Variants in RANBP17 observed in about 807,000 individuals in gnomAD.
RANBP17 encodes ran-binding protein 17.
In RANBP17, 158 loss-of-function variants were observed where a neutral mutation model predicts 141.2. The ratio of observed to expected loss-of-function variants is 1.12; its 90% CI spans 0.98 to 1.28. RANBP17 has a LOEUF of 1.28. Among genes scored for constraint, RANBP17 ranks in the 50% most tolerant of loss-of-function variants. RANBP17 has a pLI of 0.00. For synonymous variants in RANBP17, 430 were observed against 450.0 expected (o/e 0.96, Z 0.56); for missense variants, 1,438 against 1,290.7 (o/e 1.11, Z -1.75).
chr5:171,121,354 G>A (rs1756016872), intron 14 of RANBP17, among the ~76,000 whole-genome samples: 1 of 152,246 alleles, frequency 6.6e-6, no homozygotes, highest in Admixed American at 6.5e-5. Context: ...GAACGCAAGT[G>A]CGAGGCTGCT....
intron 12 of RANBP17, among the ~76,000 whole-genome samples, chr5:170,939,341 G>A (rs1245737787): frequency 6.6e-6 from 1 of 151,394 alleles, no homozygotes; most frequent in Non-Finnish European, 1.5e-5. Flanking sequence ...ATGGAAATTG[G>A]TAAACTCAAA....
chr5:170,908,261 A>G (rs973388377), intron 5 of RANBP17, among the ~76,000 whole-genome samples: 1 of 152,004 alleles, frequency 6.6e-6, no homozygotes, highest in African/African-American at 2.4e-5. Flanking sequence ...AAGACGTGGA[A>G]TCAGCCTTGG....
At chr5:171,266,140 A>G (rs1442754414) in intron 25 of RANBP17, among the ~76,000 whole-genome samples, 4 of 152,138 alleles carry the variant, frequency 2.6e-5, no homozygotes, top group Non-Finnish European at 5.9e-5. Context: ...CCGGAACTGG[A>G]AACAGTCAGC....
intron 14 of RANBP17, among the ~76,000 whole-genome samples, chr5:171,139,219 G>A (rs1757529689): frequency 1.3e-5 from 2 of 152,178 alleles, no homozygotes; most frequent in South Asian, 4.1e-4. Flanking sequence ...TTTTCGGGTA[G>A]CATTCCTTTG....
intron 13 of RANBP17, among the ~76,000 whole-genome samples, chr5:170,963,388 A>G (rs190295842): frequency 1.2e-4 from 18 of 152,374 alleles, no homozygotes; most frequent in African/African-American, 4.3e-4. Flanking sequence ...TGATTCAGGT[A>G]AGACCTTGCT....
chr5:170,985,626 AAC>A (rs922690840), intron 14 of RANBP17, among the ~76,000 whole-genome samples: 16 of 152,266 alleles, frequency 1.1e-4, no homozygotes, highest in African/African-American at 2.6e-4. Context: ...TATACAGGAA[AAC>A]ACACACGTGT....
At chr5:171,060,519 G>A (rs1423247615) in intron 14 of RANBP17, among the ~76,000 whole-genome samples, 1 of 152,134 alleles carries the variant, frequency 6.6e-6, no homozygotes, top group Non-Finnish European at 1.5e-5. Context: ...AAGCCCACTT[G>A]ATCATGGTGG....
chr5:171,195,941 G>A (rs923858583), intron 18 of RANBP17, among the ~76,000 whole-genome samples: 2 of 152,212 alleles, frequency 1.3e-5, no homozygotes, highest in African/African-American at 4.8e-5. Context: ...TCCATTGCCT[G>A]CGTAAGCACT....
chr5:170,941,274 A>G (rs1774306018), intron 12 of RANBP17, among the ~76,000 whole-genome samples: 2 of 152,140 alleles, frequency 1.3e-5, no homozygotes, highest in Non-Finnish European at 2.9e-5. Context: ...GAACTAAAAA[A>G]TAAAGATACA....
At chr5:171,222,311 A>G (rs934606494) in intron 22 of RANBP17, among the ~76,000 whole-genome samples, 9 of 152,218 alleles carry the variant, frequency 5.9e-5, no homozygotes, top group African/African-American at 1.9e-4. Context: ...GTCCTATTCA[A>G]TTAAAGTCCA....
rs72488636 is a variant in RANBP17 at position 171,055,880 on chromosome 5, C to CAAAAAA, written c.1710+87514_1710+87519dup. On this transcript the variant is annotated intron_variant, in intron 14 of 27. Coordinates refer to ENST00000523189, the MANE Select transcript of RANBP17 (RefSeq NM_022897.5). The stretch of plus-strand genomic sequence containing the variant: ...AGTTTCTCCAGTTGTGTCCTGTTGC[C>CAAAAAA]AAAAAAAAAAAAAAAACAAAAAAAA... Among the ~76,000 whole-genome samples, 72 of 25,096 alleles carry CAAAAAA rather than the reference C, an allele frequency of 2.9e-3. 7 individuals are homozygous for CAAAAAA. Among genetic ancestry groups the CAAAAAA allele is most frequent in the African/African-American group, 7.0e-3 (67 of 9,558 alleles). 16.5% of individuals were successfully genotyped at this position (25,096 alleles called of 152,430 possible).
chr5:171,277,352 G>T (rs902107355), intron 25 of RANBP17, among the ~76,000 whole-genome samples: 2 of 151,578 alleles, frequency 1.3e-5, no homozygotes, highest in Non-Finnish European at 2.9e-5. Flanking sequence ...ACCACAAAAA[G>T]GATGGCTACC....
chr5:170,890,667 T>C lies in RANBP17; in HGVS notation c.257-1720T>C, dbSNP rs2127380903. ...GCCAAAGTGGAAATGGAGTTTTTTC[T>C]CTTTTAAAAATTCTTCTTGTAGTTT... is the stretch of plus-strand genomic sequence containing the variant. On this transcript the variant is annotated intron_variant, in intron 3 of 27. Coordinates refer to ENST00000523189, the MANE Select transcript of RANBP17 (RefSeq NM_022897.5). Among the ~76,000 whole-genome samples the C allele has an allele frequency of 3.9e-5, 6 of 152,338 alleles. No individual in the cohort carries two copies. In the South Asian group the frequency reaches 1.2e-3, roughly 32 times the overall value.
At chr5:171,032,365 T>C (rs1405918642) in intron 14 of RANBP17, among the ~76,000 whole-genome samples, 2 of 152,178 alleles carry the variant, frequency 1.3e-5, no homozygotes, top group African/African-American at 2.4e-5. Context: ...CAACGCAGTT[T>C]AGTTTTCATT....
At chr5:171,244,393 A>G (rs919692218) in intron 24 of RANBP17, among the ~76,000 whole-genome samples, 1 of 151,968 alleles carries the variant, frequency 6.6e-6, no homozygotes, top group African/African-American at 2.4e-5. Flanking sequence ...AAAAAAAGGA[A>G]CTGTATTTGT....
intron 20 of RANBP17, among the ~76,000 whole-genome samples, chr5:171,209,329 G>T (rs1188075230): frequency 6.6e-6 from 1 of 152,134 alleles, no homozygotes; most frequent in African/African-American, 2.4e-5. Flanking sequence ...TCAGTCTAAG[G>T]AATTTAGACC....
chr5:170,881,502 G>A (rs189125076), intron 2 of RANBP17, among the ~76,000 whole-genome samples: 145 of 152,302 alleles, frequency 9.5e-4, no homozygotes, highest in African/African-American at 3.3e-3. Context: ...ATGTAGGGCT[G>A]TAGACCATGG....
intron 14 of RANBP17, among the ~76,000 whole-genome samples, chr5:171,076,444 A>G (rs1340941691): frequency 6.6e-6 from 1 of 152,230 alleles, no homozygotes; most frequent in East Asian, 1.9e-4. Flanking sequence ...CCATCCACTG[A>G]ATAGGCCTAG....
chr5:171,057,204 T>C (rs1783452086), intron 14 of RANBP17, among the ~76,000 whole-genome samples: 2 of 152,320 alleles, frequency 1.3e-5, no homozygotes, highest in East Asian at 3.9e-4. Flanking sequence ...AGTACCACTT[T>C]AACTTTAGCC....
Sources: allele counts gnomAD v4.1 joint callset (sites outside exome capture counted in the v4.1 genomes callset), GRCh38; gene constraint gnomAD v4.1.1; transcripts MANE v1.5; gene names NCBI Gene and HGNC (gene_info 2026-07-23, HGNC 2026-07-21).